The following ADAM12 variants were observed in gnomAD, a reference collection of about 807,000 sequenced individuals.
ADAM12 encodes the protein disintegrin and metalloproteinase domain-containing protein 12.
In ADAM12, 70 loss-of-function variants were observed where a neutral mutation model predicts 106.4. The observed-to-expected ratio is 0.66, with a 90% CI of 0.54 to 0.80. The LOEUF (loss-of-function observed/expected upper bound fraction) is 0.80, where lower values mean the gene tolerates loss of function less well. Among genes scored for constraint, ADAM12 ranks in the 30% least tolerant of loss-of-function variants. The pLI is 0.00. For missense variants in ADAM12, 1,010 were observed against 1,171.9 expected (o/e 0.86, Z 2.02); for synonymous variants, 420 against 433.5 (o/e 0.97, Z 0.39).
chr10:126,173,789 A>G (rs1162943737), intron 3 of ADAM12, among the ~76,000 whole-genome samples: 1 of 152,100 alleles, frequency 6.6e-6, no homozygotes, highest in African/African-American at 2.4e-5. Context: ...CCAACTCCAG[A>G]GAATTTCTCA....
intron 21 of ADAM12, among the ~76,000 whole-genome samples, chr10:126,031,737 TACAG>T (rs1229393487): frequency 1.6e-4 from 25 of 152,372 alleles, no homozygotes; most frequent in African/African-American, 4.3e-4. Context: ...TTGCATATAA[TACAG>T]ACAGATAAAA....
Position 126,019,822 on chromosome 10 carries a change from T to A in ADAM12, c.2533A>T (p.Thr845Ser). ...TTCTGAGGGGGGTTTGGCTTACAGG[T>A]CCCCTGCAATAAACATAGGGTTAGG... ...AKPALRQAQG[T>S]CKPNPPQKPL... is the part of the protein sequence containing the mutation. The change falls in exon 22 of 23, where the codon ACC (threonine) becomes TCC (serine). Residue 845 changes from threonine to serine, a missense_variant. Thr to Ser is a moderately conservative substitution (Grantham distance 58, BLOSUM62 1). Coordinates refer to ENST00000448723, the MANE Select transcript of ADAM12 (RefSeq NM_001288973.2). 1 of 1,612,950 alleles carries A rather than the reference T, an allele frequency of 6.2e-7. No homozygotes were observed. The highest frequency in any genetic ancestry group is 8.5e-7 in the Non-Finnish European group (1 of 1,179,490).
Position 126,094,068 on chromosome 10 carries a change from C to G in ADAM12, c.1062G>C (p.Gly354=), listed in dbSNP as rs148749883. The change falls in exon 11 of 23, where the codon GGG becomes GGC. Residue 354 remains glycine (G), a synonymous_variant. Transcript: ENST00000448723. ...TLAHELGHNF[G]MNHDTLDRGC... is the part of the protein sequence containing the mutation. ...CCCTGTCCAGTGTGTCATGATTCAT[C>G]CCGAAATTGTGGCCCAGCTCATGTG... 3.8e-4 allele frequency: 615 copies of G among 1,614,160 alleles called. 1 individual carries two copies. Among genetic ancestry groups the G allele is most frequent in the Middle Eastern group, 2.0e-3 (12 of 6,062 alleles).
chr10:126,062,700 G>A (rs1039829348), intron 14 of ADAM12, among the ~76,000 whole-genome samples: 7 of 152,186 alleles, frequency 4.6e-5, no homozygotes, highest in African/African-American at 1.4e-4. Flanking sequence ...CTCTGGAAAC[G>A]GGGCCAGCTG....
chr10:126,316,224 A>C (rs1853865039), intron 2 of ADAM12, among the ~76,000 whole-genome samples: 2 of 152,216 alleles, frequency 1.3e-5, no homozygotes, highest in South Asian at 4.1e-4. Flanking sequence ...GTTTTAATGC[A>C]GTTTTTAAAA....
chr10:126,118,648 G>A (rs957749188), intron 5 of ADAM12, among the ~76,000 whole-genome samples: 2 of 152,208 alleles, frequency 1.3e-5, no homozygotes, highest in African/African-American at 4.8e-5. Flanking sequence ...GGGTACAGTA[G>A]CCTTTGGTTA....
Position 126,348,775 on chromosome 10 carries a change from T to A in ADAM12, c.89-18266A>T, listed in dbSNP as rs181942982. 2.3e-3 allele frequency among the ~76,000 whole-genome samples: 357 copies of A among 152,314 alleles called. 8 individuals carry two copies. In the South Asian group the frequency reaches 0.024, roughly 10 times the overall value. On this transcript the variant is annotated intron_variant, in intron 1 of 22. Transcript: ENST00000448723. ...ATAAATTGGGATCCAAGTAGAATGA[T>A]CAAATTTAGCAAATCAAAATATAGA...
chr10:126,281,076 C>A (rs1388321732), intron 2 of ADAM12, among the ~76,000 whole-genome samples: 1 of 152,086 alleles, frequency 6.6e-6, no homozygotes, highest in African/African-American at 2.4e-5. Flanking sequence ...TGCTGACACC[C>A]GGGTTGAACT....
intron 3 of ADAM12, among the ~76,000 whole-genome samples, chr10:126,202,731 C>G (rs1445274825): frequency 6.6e-6 from 1 of 152,174 alleles, no homozygotes; most frequent in African/African-American, 2.4e-5. Flanking sequence ...AAAAGAGCTT[C>G]ATATCAACAG....
intron 3 of ADAM12, among the ~76,000 whole-genome samples, chr10:126,210,155 A>G (rs191267176): frequency 1.3e-5 from 2 of 152,202 alleles, no homozygotes; most frequent in African/African-American, 4.8e-5. Context: ...CTGACCCTCT[A>G]TGGGGAAGGT....
At chr10:126,379,470 C>G (rs1450758607) in intron 1 of ADAM12, among the ~76,000 whole-genome samples, 1 of 152,018 alleles carries the variant, frequency 6.6e-6, no homozygotes, top group Non-Finnish European at 1.5e-5. Context: ...ATGTTCTCAC[C>G]CATAAGTGGG....
chr10:126,293,365 G>A (rs1590742974), intron 2 of ADAM12, among the ~76,000 whole-genome samples: 1 of 152,246 alleles, frequency 6.6e-6, no homozygotes, highest in East Asian at 1.9e-4. Flanking sequence ...AAGGGGCAAA[G>A]CTTACCTGTC....
In ADAM12 at chr10:126,295,548, T is replaced by TACACACACACACACATAC. The variant is rs1555007157; in HGVS notation, c.187-16561_187-16560insGTATGTGTGTGTGTGTGT. 7.1e-3 allele frequency among the ~76,000 whole-genome samples: 1,035 copies of TACACACACACACACATAC among 146,598 alleles called. 4 individuals carry two copies. The highest frequency in any genetic ancestry group is 0.012 in the Non-Finnish European group (762 of 65,850). On this transcript the variant is annotated intron_variant, in intron 2 of 22. Transcript: ENST00000448723. ...CCACAAAAATACACACACACACACA[T>TACACACACACACACATAC]ACACACACACACACACACACACATC...
At chr10:126,386,962 C>A (rs1167017997) in intron 1 of ADAM12, among the ~76,000 whole-genome samples, 1 of 152,204 alleles carries the variant, frequency 6.6e-6, no homozygotes, top group Non-Finnish European at 1.5e-5. Flanking sequence ...CGCAGTGTGG[C>A]TTTTAACAAG....
intron 3 of ADAM12, among the ~76,000 whole-genome samples, chr10:126,170,198 G>C (rs547428196): frequency 2.8e-4 from 42 of 152,222 alleles, no homozygotes; most frequent in Non-Finnish European, 5.1e-4. Flanking sequence ...CAAACCCGTA[G>C]AATGTGTGTT....
At chr10:126,204,109 C>T (rs1957753241) in intron 3 of ADAM12, among the ~76,000 whole-genome samples, 1 of 152,202 alleles carries the variant, frequency 6.6e-6, no homozygotes. Flanking sequence ...CTCCTATCTC[C>T]AGCCCCTGGT....
At chr10:126,047,781 A>G (rs1954367054) in intron 16 of ADAM12, among the ~76,000 whole-genome samples, 1 of 152,332 alleles carries the variant, frequency 6.6e-6, no homozygotes, top group South Asian at 2.1e-4. Flanking sequence ...GACCCAGCCA[A>G]CCCACTACTG....
intron 3 of ADAM12, among the ~76,000 whole-genome samples, chr10:126,195,651 A>G (rs1409314594): frequency 3.9e-5 from 6 of 152,330 alleles, no homozygotes; most frequent in African/African-American, 1.4e-4. Flanking sequence ...CAATATATAC[A>G]TATTTCAAAA....
chr10:126,190,717 G>A (rs576831463), intron 3 of ADAM12, among the ~76,000 whole-genome samples: 4 of 152,286 alleles, frequency 2.6e-5, no homozygotes, highest in Non-Finnish European at 5.9e-5. Context: ...AGGTGGTGAG[G>A]AACAGACCTC....
Sources: allele counts gnomAD v4.1 joint callset (sites outside exome capture counted in the v4.1 genomes callset), GRCh38; gene constraint gnomAD v4.1.1; transcripts MANE v1.5; gene names NCBI Gene and HGNC (gene_info 2026-07-23, HGNC 2026-07-21).